The following DMD variants were observed in gnomAD, a reference collection of about 807,000 sequenced individuals.
DMD encodes the protein mutant dystrophin.
Under a neutral mutation model 330.1 loss-of-function variants are expected in DMD, and 63 were observed. The observed-to-expected ratio is 0.19, with a 90% CI of 0.16 to 0.24. The LOEUF (loss-of-function observed/expected upper bound fraction) is 0.24. Ranked by LOEUF, DMD falls within the 10% of genes least tolerant of loss-of-function variation. The probability of loss-of-function intolerance (pLI) is 1.00; values close to 1 mark genes in which losing one functional copy is unlikely to be tolerated. For synonymous variants in DMD, 1,223 were observed against 959.8 expected (o/e 1.27, Z -5.07); for missense variants, 3,344 against 2,684.1 (o/e 1.25, Z -5.43).
intron 50 of DMD, among the ~76,000 whole-genome samples, chrX:31,805,167 G>A (rs912699620): frequency 8.1e-5 from 9 of 111,689 alleles, no homozygotes; most frequent in African/African-American, 2.9e-4. Context: ...TAGTGTACTG[G>A]AAAATGGCTT....
chrX:32,337,500 G>T (rs750117810), intron 41 of DMD, among the ~76,000 whole-genome samples: 7 of 109,805 alleles, frequency 6.4e-5, no homozygotes, highest in Admixed American at 3.9e-4. Flanking sequence ...TTTCTTCACT[G>T]AAGTGGGCTT....
intron 13 of DMD, among the ~76,000 whole-genome samples, chrX:32,578,579 C>T (rs759730372): frequency 3.6e-5 from 4 of 111,755 alleles, no homozygotes; most frequent in South Asian, 3.7e-4. Flanking sequence ...GGTTGAGTTG[C>T]TATTTCAATT....
chrX:31,621,956 T>C (rs1342499485), intron 55 of DMD, among the ~76,000 whole-genome samples: 4 of 111,951 alleles, frequency 3.6e-5, no homozygotes, highest in Non-Finnish European at 7.5e-5. Context: ...ACAGAGGTTC[T>C]CACTGGACAA....
chrX:31,513,812 C>G (rs1455976972), intron 55 of DMD, among the ~76,000 whole-genome samples: 2 of 111,568 alleles, frequency 1.8e-5, no homozygotes, highest in Admixed American at 9.5e-5. Context: ...AGCTCATTTT[C>G]TCCTCTCAAC....
chrX:32,848,599 T>C (rs2080879853), intron 3 of DMD, among the ~76,000 whole-genome samples: 2 of 67,600 alleles, frequency 3.0e-5, no homozygotes, highest in Non-Finnish European at 2.4e-5. Context: ...TAGCTGAAGA[T>C]AAAAAATGAA....
chrX:31,250,902 T>C (rs2049284308), intron 63 of DMD, among the ~76,000 whole-genome samples: 1 of 110,353 alleles, frequency 9.1e-6, no homozygotes, highest in African/African-American at 3.3e-5. Flanking sequence ...GCCAACATGG[T>C]GAAACCCCGT....
intron 60 of DMD, among the ~76,000 whole-genome samples, chrX:31,410,801 C>T (rs1222838683): frequency 1.8e-5 from 2 of 109,117 alleles, no homozygotes; most frequent in African/African-American, 3.3e-5. Flanking sequence ...TGAAGTGGTG[C>T]GATCTCGGCT....
intron 1 of DMD, among the ~76,000 whole-genome samples, chrX:33,274,765 G>C (rs1164740834): frequency 9.0e-6 from 1 of 111,704 alleles, no homozygotes; most frequent in Non-Finnish European, 1.9e-5. Flanking sequence ...TGCCATCGAG[G>C]AGCCCATGAC....
intron 60 of DMD, among the ~76,000 whole-genome samples, chrX:31,411,867 C>T (rs1271199481): frequency 9.1e-6 from 1 of 110,098 alleles, no homozygotes; most frequent in Non-Finnish European, 1.9e-5. Flanking sequence ...CTCCTGACCT[C>T]AAGTGATCCC....
Position 32,345,947 on chromosome X carries a change from A to G in DMD, c.5582T>C (p.Leu1861Pro), listed in dbSNP as rs2147030312. Residue 1861 changes from leucine to proline, a missense_variant, in exon 39 of 79, where the codon CTC becomes CCC. Leu to Pro is a moderately conservative substitution (Grantham distance 98, BLOSUM62 -3). Coordinates refer to ENST00000357033, the MANE Select transcript of DMD (RefSeq NM_004006.3). ...QQLLQTKHNA[L>P]KDLRSQRRKK... ...TTATAATTTTAGCTCTAATACCTTGAGAGCATTATGTTTTGTCTGTAACAG... is the reference window on the plus strand; with the variant it reads ...TTATAATTTTAGCTCTAATACCTTGGGAGCATTATGTTTTGTCTGTAACAG... The G allele has an allele frequency of 2.9e-5, 35 of 1,208,255 alleles. No individual in the cohort carries two copies. The highest frequency in any genetic ancestry group is 3.9e-5 in the Non-Finnish European group (35 of 893,796).
At chrX:32,738,820 C>T (rs1395458078) in intron 7 of DMD, among the ~76,000 whole-genome samples, 1 of 111,127 alleles carries the variant, frequency 9.0e-6, no homozygotes, top group Admixed American at 9.6e-5. Flanking sequence ...GGAAGCTGTC[C>T]CAAATTCATA....
chrX:32,942,933 G>A (rs1379276424), intron 2 of DMD, among the ~76,000 whole-genome samples: 2 of 111,327 alleles, frequency 1.8e-5, no homozygotes, highest in African/African-American at 3.3e-5. Context: ...TTTTGACACT[G>A]TTTTGAAGAA....
chrX:32,631,172 C>A (rs187783916), intron 11 of DMD, among the ~76,000 whole-genome samples: 76 of 111,667 alleles, frequency 6.8e-4, no homozygotes, highest in African/African-American at 2.3e-3. Context: ...CTCTTTCCTT[C>A]CCCTCAACAA....
chrX:32,459,526 A>G, intron 25 of DMD, among the ~76,000 whole-genome samples: 1 of 110,951 alleles, frequency 9.0e-6, no homozygotes, highest in East Asian at 2.8e-4. Flanking sequence ...AGTGTACTTG[A>G]CTTCCAGATA....
At chrX:32,426,533 G>A (rs775001814) in intron 29 of DMD, among the ~76,000 whole-genome samples, 3 of 111,366 alleles carry the variant, frequency 2.7e-5, no homozygotes, top group Non-Finnish European at 3.8e-5. Flanking sequence ...TGCTGGTGGG[G>A]GTGTAAATTA....
rs754876601 is a variant in DMD at position 32,310,236 on chromosome X, T to C, written c.5963A>G (p.Asp1988Gly). The change falls in exon 42 of 79, where the codon GAC (aspartate) becomes GGC (glycine). Residue 1988 changes from aspartate (D) to glycine (G), a missense_variant. Coordinates refer to ENST00000357033, the MANE Select transcript of DMD (RefSeq NM_004006.3). ...CACATAAGAAATTTCCAAAGGCATGTCTTCAGTCATCACCATCATCGTTTC... is the reference window on the plus strand; with the variant it reads ...CACATAAGAAATTTCCAAAGGCATGCCTTCAGTCATCACCATCATCGTTTC... ...REETMMVMTE[D>G]MPLEISYVPS... 5.8e-6 allele frequency: 7 copies of C among 1,207,604 alleles called. No individual in the cohort carries two copies. Among genetic ancestry groups the C allele is most frequent in the African/African-American group, 1.8e-5 (1 of 57,076 alleles).
At chrX:31,414,241 C>T (rs764238346) in intron 60 of DMD, among the ~76,000 whole-genome samples, 1 of 111,054 alleles carries the variant, frequency 9.0e-6, no homozygotes, top group Non-Finnish European at 1.9e-5. Context: ...TCTTGAACTC[C>T]TGACATCAAA....
intron 60 of DMD, among the ~76,000 whole-genome samples, chrX:31,392,913 A>T (rs1427502875): frequency 8.9e-6 from 1 of 112,084 alleles, no homozygotes; most frequent in Non-Finnish European, 1.9e-5. Context: ...AGGTATAAAG[A>T]GTGCATGCAA....
At chrX:32,804,853 G>A (rs1358881548) in intron 7 of DMD, among the ~76,000 whole-genome samples, 1 of 112,105 alleles carries the variant, frequency 8.9e-6, no homozygotes, top group Non-Finnish European at 1.9e-5. Context: ...TGGACCTCCA[G>A]TAAACTCCAG....
Sources: gnomAD v4.1 joint callset for allele counts (sites outside exome capture counted in the v4.1 genomes callset) on GRCh38, gnomAD v4.1.1 for gene constraint, MANE v1.5 for transcripts, NCBI Gene and HGNC (gene_info 2026-07-23, HGNC 2026-07-21) for gene names.